The following SAMD8 variants were observed in gnomAD, a reference collection of about 807,000 sequenced individuals.
SAMD8 encodes the protein sphingomyelin synthase-related protein 1.
In SAMD8, 20 loss-of-function variants were observed where a neutral mutation model predicts 42.0. That is an observed-to-expected ratio of 0.48 (90% CI 0.34 to 0.69). The LOEUF is 0.69. Ranked by LOEUF, SAMD8 falls within the 30% of genes least tolerant of loss-of-function variation. SAMD8 has a pLI of 0.01. For synonymous variants in SAMD8, 162 were observed against 173.0 expected (o/e 0.94, Z 0.50); for missense variants, 328 against 511.6 (o/e 0.64, Z 3.46).
Position 75,111,708 on chromosome 10 carries a change from A to C in SAMD8, c.-30A>C. Reference sequence around the variant, plus strand: ...CTCGGAGGTGGGTCCGGGGAGCCCGACTCGGACCGCGGAGGTGAGCGGGAG... The same window carrying C: ...CTCGGAGGTGGGTCCGGGGAGCCCGCCTCGGACCGCGGAGGTGAGCGGGAG... On this transcript the variant is annotated 5_prime_UTR_variant, in exon 1 of 6. Coordinates refer to ENST00000542569, the MANE Select transcript of SAMD8 (RefSeq NM_001174156.2). The C allele has an allele frequency of 8.1e-7, 1 of 1,234,238 alleles. No homozygotes were observed. The highest frequency in any genetic ancestry group is 1.0e-6 in the Non-Finnish European group (1 of 989,116). The allele number at this position is 1,234,238 out of a possible 1,614,324, so 76.5% of individuals were successfully genotyped here. A position where few individuals can be genotyped will look rare whatever the true frequency, so the allele number is the denominator to read the frequency against.
intron 1 of SAMD8, chr10:75,105,686 C>A (rs1332081355): frequency 6.5e-7 from 1 of 1,549,592 alleles, no homozygotes; most frequent in Admixed American, 2.0e-5. Flanking sequence ...TGGCCGGCAC[C>A]CCGCAGTTGC....
intron 1 of SAMD8, among the ~76,000 whole-genome samples, chr10:75,100,658 C>T (rs567416064): frequency 2.6e-5 from 4 of 152,332 alleles, no homozygotes; most frequent in Non-Finnish European, 4.4e-5. Flanking sequence ...TCCCTGATCC[C>T]GTGCTCCTCC....
intron 1 of SAMD8, among the ~76,000 whole-genome samples, chr10:75,120,298 G>A (rs1848974533): frequency 6.6e-6 from 1 of 152,060 alleles, no homozygotes; most frequent in Admixed American, 6.6e-5. Context: ...TTGAAATGGA[G>A]TCTCGCTCTA....
chr10:75,132,314 A>C (rs1469708577), intron 1 of SAMD8, among the ~76,000 whole-genome samples: 1 of 152,332 alleles, frequency 6.6e-6, no homozygotes, highest in East Asian at 1.9e-4. Context: ...ACACTTCAGA[A>C]TTATAAAAGG....
intron 2 of SAMD8, among the ~76,000 whole-genome samples, chr10:75,155,548 A>T (rs1356643714): frequency 6.6e-6 from 1 of 152,192 alleles, no homozygotes; most frequent in East Asian, 1.9e-4. Context: ...ATAATTGACC[A>T]TTGGCTTTAG....
chr10:75,137,720 G>A (rs1023993661), intron 1 of SAMD8, among the ~76,000 whole-genome samples: 50 of 152,172 alleles, frequency 3.3e-4, no homozygotes, highest in Admixed American at 3.1e-3. Flanking sequence ...CTGAGCATGA[G>A]GGGGATAGTG....
intron 1 of SAMD8, among the ~76,000 whole-genome samples, chr10:75,122,313 A>G (rs1349039196): frequency 3.3e-5 from 5 of 152,026 alleles, no homozygotes; most frequent in Admixed American, 6.6e-5. Flanking sequence ...CTCAGTTTTT[A>G]TTTTGAAATA....
chr10:75,138,516 C>G (rs1194313781), intron 1 of SAMD8, among the ~76,000 whole-genome samples: 1 of 152,106 alleles, frequency 6.6e-6, no homozygotes, highest in Non-Finnish European at 1.5e-5. Flanking sequence ...GCATTAAAGA[C>G]TCATTGACTA....
upstream of SAMD8, among the ~76,000 whole-genome samples, chr10:75,110,298 G>A (rs1848734921): frequency 6.6e-6 from 1 of 152,200 alleles, no homozygotes. Context: ...CTGCCTATAA[G>A]GGCTTTGGGT....
At chr10:75,117,280 G>A (rs957429157) in intron 1 of SAMD8, among the ~76,000 whole-genome samples, 6 of 151,972 alleles carry the variant, frequency 3.9e-5, no homozygotes, top group East Asian at 3.9e-4. Context: ...AAAATTAGCC[G>A]GGTGTGGTGG....
At chr10:75,140,550 A>G (rs1406339603) in intron 1 of SAMD8, among the ~76,000 whole-genome samples, 1 of 152,240 alleles carries the variant, frequency 6.6e-6, no homozygotes, top group Non-Finnish European at 1.5e-5. Context: ...TAATCAGACA[A>G]ACCCTTAAAA....
At chr10:75,151,718 G>A (rs1446204757) in intron 2 of SAMD8, among the ~76,000 whole-genome samples, 1 of 151,862 alleles carries the variant, frequency 6.6e-6, no homozygotes, top group South Asian at 2.1e-4. Context: ...ACAGAGTCTC[G>A]CTCTGTCACC....
intron 1 of SAMD8, chr10:75,125,310 T>G (rs1246695014): frequency 6.6e-6 from 1 of 152,212 alleles, no homozygotes; most frequent in Non-Finnish European, 1.5e-5. Flanking sequence ...GGACAAGCCT[T>G]TTAAGAAGTT....
At chr10:75,129,046 A>C (rs1330121819) in intron 1 of SAMD8, among the ~76,000 whole-genome samples, 11 of 152,022 alleles carry the variant, frequency 7.2e-5, no homozygotes, top group Non-Finnish European at 1.6e-4. Context: ...CTAAAAAAAA[A>C]CCATCTCAAC....
At chr10:75,171,458 C>T (rs1237889611) in intron 4 of SAMD8, among the ~76,000 whole-genome samples, 3 of 152,098 alleles carry the variant, frequency 2.0e-5, no homozygotes, top group Non-Finnish European at 2.9e-5. Context: ...TGAGCCATCG[C>T]GCCCAGCCTC....
At chr10:75,128,709 G>C (rs996514527) in intron 1 of SAMD8, among the ~76,000 whole-genome samples, 10 of 152,200 alleles carry the variant, frequency 6.6e-5, no homozygotes, top group African/African-American at 2.4e-4. Flanking sequence ...GGTTACTATG[G>C]GTGGTCGGCA....
intron 1 of SAMD8, among the ~76,000 whole-genome samples, chr10:75,142,190 C>T (rs1054861530): frequency 2.6e-5 from 4 of 151,940 alleles, no homozygotes; most frequent in East Asian, 1.9e-4. Flanking sequence ...TGAGGTGATC[C>T]GCCTGTCTCA....
upstream of SAMD8, among the ~76,000 whole-genome samples, chr10:75,106,870 C>T (rs1046199413): frequency 6.6e-6 from 1 of 152,200 alleles, no homozygotes; most frequent in Non-Finnish European, 1.5e-5. Context: ...TCTTGTCATT[C>T]CTGTCACATA....
intron 3 of SAMD8, among the ~76,000 whole-genome samples, chr10:75,167,083 GTGT>G (rs1451270224): frequency 2.6e-5 from 4 of 152,138 alleles, no homozygotes; most frequent in Non-Finnish European, 5.9e-5. Flanking sequence ...AACAGTACTG[GTGT>G]TGTCACAGTG....
Sources: allele counts gnomAD v4.1 joint callset (sites outside exome capture counted in the v4.1 genomes callset), GRCh38; gene constraint gnomAD v4.1.1; transcripts MANE v1.5; gene names NCBI Gene and HGNC (gene_info 2026-07-23, HGNC 2026-07-21).